XPO6: variants seen among roughly 807,000 people sequenced by gnomAD.
XPO6 encodes exportin-6.
XPO6 carries 3 observed loss-of-function variants against 130.0 expected under a neutral mutation model. The observed-to-expected ratio is 0.02, with a 90% CI of 0.01 to 0.06. XPO6 has a LOEUF of 0.06. Among genes scored for constraint, XPO6 ranks in the 10% least tolerant of loss-of-function variants. The pLI is 1.00. For synonymous variants in XPO6, 524 were observed against 548.9 expected (o/e 0.95, Z 0.63); for missense variants, 970 against 1,393.0 (o/e 0.70, Z 4.83).
At chr16:28,150,091 T>C (rs1211817892) in intron 8 of XPO6, among the ~76,000 whole-genome samples, 1 of 152,208 alleles carries the variant, frequency 6.6e-6, no homozygotes, top group Non-Finnish European at 1.5e-5. Flanking sequence ...TGCCCTGGTT[T>C]ACCCACAGTA....
At chr16:28,202,091 CAGACA>C (rs986323817) in intron 1 of XPO6, among the ~76,000 whole-genome samples, 2 of 152,192 alleles carry the variant, frequency 1.3e-5, no homozygotes, top group African/African-American at 4.8e-5. Context: ...TCAGCAAAGG[CAGACA>C]AGTATTAAAG....
Position 28,187,002 on chromosome 16 carries a change from C to T in XPO6, c.4-5971G>A, listed in dbSNP as rs534565076. ...CCTAACTTCAAAGAACTGAAGGTGG[C>T]CTAGCAGTTACATCCTGTAGTCCTG... is the stretch of plus-strand genomic sequence containing the variant. On this transcript the variant is annotated intron_variant, in intron 1 of 23. Coordinates refer to ENST00000304658, the MANE Select transcript of XPO6 (RefSeq NM_015171.4). 1.2e-4 allele frequency among the ~76,000 whole-genome samples: 18 copies of T among 152,274 alleles called. No individual in the cohort carries two copies. In the East Asian group the frequency reaches 3.1e-3, roughly 26 times the overall value.
At chr16:28,169,470 G>A (rs952516395) in intron 5 of XPO6, among the ~76,000 whole-genome samples, 5 of 152,082 alleles carry the variant, frequency 3.3e-5, no homozygotes, top group African/African-American at 1.2e-4. Flanking sequence ...GCAGTGATCG[G>A]CACTGTAGGT....
chr16:28,203,737 C>A lies in XPO6; in HGVS notation c.3+7629G>T, dbSNP rs545729438. On this transcript the variant is annotated intron_variant, in intron 1 of 23. Transcript: ENST00000304658. ...CTTTTCCTTCTTCCTCATCTCTTAACTCTGGAATCAGTTTTAAGTGACAAC... is the reference window on the plus strand; with the variant it reads ...CTTTTCCTTCTTCCTCATCTCTTAAATCTGGAATCAGTTTTAAGTGACAAC... 1.5e-4 allele frequency among the ~76,000 whole-genome samples: 23 copies of A among 152,326 alleles called. 1 individual carries two copies. The South Asian group carries it at 4.6e-3, about 30-fold the overall frequency.
Position 28,176,066 on chromosome 16 carries a change from G to A in XPO6, c.237C>T (p.Val79=). The A allele has an allele frequency of 6.2e-7, 1 of 1,614,110 alleles. No individual in the cohort carries two copies. Residue 79 remains valine (V), a synonymous_variant, in exon 4 of 24, where the codon GTC becomes GTT. Transcript: ENST00000304658. Reference sequence around the variant, plus strand: ...GGATTTCCATCTTATCCTGAGATGGGACCCCAAGCCACATTTTATTGATCA... The same window carrying A: ...GGATTTCCATCTTATCCTGAGATGGAACCCCAAGCCACATTTTATTGATCA... The part of the protein sequence containing the change: ...ENLINKMWLG[V]PSQDKMEIRS...
intron 6 of XPO6, among the ~76,000 whole-genome samples, chr16:28,159,580 A>AT (rs1163506407): frequency 6.6e-6 from 1 of 152,228 alleles, no homozygotes; most frequent in African/African-American, 2.4e-5. Context: ...GAATTAAGGA[A>AT]TGGAGAAGCT....
At chr16:28,111,387 T>C in intron 17 of XPO6, 1 of 153,480 alleles carries the variant, frequency 6.5e-6, no homozygotes, top group South Asian at 2.0e-4. Context: ...CTGGAAGATC[T>C]GTATTTGGAA....
chr16:28,111,944 T>C lies in XPO6; in HGVS notation c.2214A>G (p.Pro738=). The C allele has an allele frequency of 6.2e-7, 1 of 1,614,114 alleles. No homozygotes were observed. Among genetic ancestry groups the C allele is most frequent in the South Asian group, 1.1e-5 (1 of 91,066 alleles). The change falls in exon 17 of 24, where the codon CCA becomes CCG. Residue 738 remains proline (P), a synonymous_variant. Coordinates refer to ENST00000304658, the MANE Select transcript of XPO6 (RefSeq NM_015171.4). The part of the protein sequence containing the change: ...NILLLPWPNL[P]ENEQQWPVRS... ...GCACGGGCCACTGCTGCTCATTCTC[T>C]GGAAGGTTTGGCCACGGAAGCAGCA...
chr16:28,163,597 CG>C (rs914999854), intron 6 of XPO6, among the ~76,000 whole-genome samples: 1 of 152,002 alleles, frequency 6.6e-6, no homozygotes, highest in African/African-American at 2.4e-5. Flanking sequence ...CCTCAGCAGG[CG>C]GGGGGGCAAT....
At chr16:28,192,175 A>C (rs2043796523) in intron 1 of XPO6, among the ~76,000 whole-genome samples, 2 of 151,670 alleles carry the variant, frequency 1.3e-5, no homozygotes, top group African/African-American at 2.4e-5. Flanking sequence ...AGGCAGGAGA[A>C]TCACTTGAAC....
At chr16:28,108,871 A>G in intron 17 of XPO6, among the ~76,000 whole-genome samples, 1 of 152,216 alleles carries the variant, frequency 6.6e-6, no homozygotes, top group Middle Eastern at 3.2e-3. Flanking sequence ...GATAGAGAGC[A>G]TCGCCCCACT....
At chr16:28,203,157 T>G (rs1424450250) in intron 1 of XPO6, among the ~76,000 whole-genome samples, 1 of 151,728 alleles carries the variant, frequency 6.6e-6, no homozygotes, top group Non-Finnish European at 1.5e-5. Context: ...TACGTATAGT[T>G]CCAGCTACTC....
At chr16:28,130,343 T>C (rs2042641230) in intron 12 of XPO6, among the ~76,000 whole-genome samples, 1 of 152,082 alleles carries the variant, frequency 6.6e-6, no homozygotes, top group Admixed American at 6.6e-5. Context: ...AGAAAGTAAA[T>C]GCAAATGAAG....
chr16:28,132,478 A>G lies in XPO6; in HGVS notation c.1537-75T>C. ...GTTTTAATAGCATTTTAACATTACA[A>G]CATTAACACGTAACTATGGTGTGAG... On this transcript the variant is annotated intron_variant, in intron 11 of 23. Coordinates refer to ENST00000304658, the MANE Select transcript of XPO6 (RefSeq NM_015171.4). This position sits in a 1 kb window ranked among gnomAD's most constrained non-coding sequence, Gnocchi z 4.0. 1 of 956,744 alleles carries G rather than the reference A, an allele frequency of 1.0e-6. No individual in the cohort carries two copies. The highest frequency in any genetic ancestry group is 1.6e-6 in the Non-Finnish European group (1 of 621,516). 59.3% of individuals were successfully genotyped at this position (956,744 alleles called of 1,614,324 possible). A position where few individuals can be genotyped will look rare whatever the true frequency, so the allele number is the denominator to read the frequency against.
intron 1 of XPO6, among the ~76,000 whole-genome samples, chr16:28,192,910 T>C (rs868389661): frequency 3.3e-5 from 5 of 152,256 alleles, no homozygotes; most frequent in Non-Finnish European, 5.9e-5. Context: ...GGGCCAAGCA[T>C]GGCAGGCAGA....
intron 14 of XPO6, among the ~76,000 whole-genome samples, chr16:28,119,559 C>T (rs916478783): frequency 1.6e-4 from 25 of 152,138 alleles, no homozygotes; most frequent in African/African-American, 4.6e-4. Flanking sequence ...CACACACACA[C>T]GCACATGCAG....
Position 28,196,406 on chromosome 16 carries a change from T to C in XPO6, c.3+14960A>G, listed in dbSNP as rs182016770. Among the ~76,000 whole-genome samples the C allele has an allele frequency of 2.6e-4, 40 of 152,272 alleles. No individual in the cohort carries two copies. The East Asian group carries it at 6.9e-3, about 26-fold the overall frequency. ...AATTAGATTTGTGGTCACCAGGGGC[T>C]GGGGCAAGGGAGAAAGGGGAATGAC... On this transcript the variant is annotated intron_variant, in intron 1 of 23. Coordinates refer to ENST00000304658, the MANE Select transcript of XPO6 (RefSeq NM_015171.4).
chr16:28,140,650 C>G (rs960442377), intron 9 of XPO6, among the ~76,000 whole-genome samples: 2 of 150,516 alleles, frequency 1.3e-5, no homozygotes, highest in African/African-American at 4.9e-5. Context: ...TGCACTCCAG[C>G]CTGGTGACAG....
At position 28,098,474 on chromosome 16, in the gene XPO6, G is replaced by A. The variant is rs2086580840; in HGVS notation, c.*64C>T. On this transcript the variant is annotated 3_prime_UTR_variant, in exon 24 of 24. Coordinates refer to ENST00000304658, the MANE Select transcript of XPO6 (RefSeq NM_015171.4). ...CAAGGCCCATCTGGGAGACATCTGTGGTGGAAGGTAGGGCTGGCGCAGGTG... is the reference window on the plus strand; with the variant it reads ...CAAGGCCCATCTGGGAGACATCTGTAGTGGAAGGTAGGGCTGGCGCAGGTG... 2 of 1,428,966 alleles carry A rather than the reference G, an allele frequency of 1.4e-6. No homozygotes were observed. Among genetic ancestry groups the A allele is most frequent in the Admixed American group, 1.8e-5 (1 of 56,732 alleles). 88.5% of individuals were successfully genotyped at this position (1,428,966 alleles called of 1,614,324 possible).
Sources: allele counts gnomAD v4.1 joint callset (sites outside exome capture counted in the v4.1 genomes callset), GRCh38; gene constraint gnomAD v4.1.1; non-coding constraint Gnocchi (gnomAD v3.1); transcripts MANE v1.5; gene names NCBI Gene and HGNC (gene_info 2026-07-23, HGNC 2026-07-21).